The following GOSR1 variants were observed in gnomAD, a reference collection of about 807,000 sequenced individuals.
GOSR1 encodes the protein golgi SNAP receptor complex member 1.
In GOSR1, 21 loss-of-function variants were observed where a neutral mutation model predicts 35.5. The ratio of observed to expected loss-of-function variants is 0.59; its 90% CI spans 0.42 to 0.85. The LOEUF is 0.85. GOSR1 is among the 40% of genes least tolerant of loss of function. GOSR1 has a pLI of 0.00. For synonymous variants in GOSR1, 94 were observed against 106.6 expected, an observed-to-expected ratio of 0.88 and a Z score of 0.73; for missense variants, 285 against 309.6, an observed-to-expected ratio of 0.92 and a Z score of 0.60.
rs772143411 is a variant in GOSR1, at chr17:30,492,710, A to G, written c.466A>G (p.Arg156Gly). The G allele has an allele frequency of 3.1e-6, 5 of 1,603,722 alleles. No homozygotes were observed. The highest frequency in any genetic ancestry group is 1.7e-5 in the Admixed American group (1 of 59,978). ...TAAAAGTGGGTCTGGAGTAAACAAC[A>G]GAAGAACTGAGCTATTTTTGAAAGA... ...SYKSGSGVNN[R>G]RTELFLKEHD... is the part of the protein sequence containing the mutation. Residue 156 changes from arginine (R) to glycine (G), a missense_variant, in exon 6 of 9, where the codon AGA becomes GGA. By Grantham distance (125) the Arg-to-Gly change is moderately radical. Transcript: ENST00000451249.
intron 7 of GOSR1, among the ~76,000 whole-genome samples, chr17:30,513,718 AG>A (rs1200756959): frequency 2.6e-5 from 4 of 152,210 alleles, no homozygotes; most frequent in African/African-American, 9.7e-5. Flanking sequence ...TGGGAGGCTG[AG>A]GCGGGAGGAC....
intron 4 of GOSR1, among the ~76,000 whole-genome samples, chr17:30,486,090 G>A (rs1198598515): frequency 1.3e-5 from 2 of 150,438 alleles, no homozygotes; most frequent in African/African-American, 4.9e-5. Flanking sequence ...CGGGTTAAAA[G>A]CTAGCATTGT....
At chr17:30,514,775 TTC>T (rs772297201) in intron 7 of GOSR1, among the ~76,000 whole-genome samples, 6 of 152,232 alleles carry the variant, frequency 3.9e-5, no homozygotes, top group African/African-American at 7.2e-5. Flanking sequence ...CTTTCTTACC[TTC>T]TCTCTGTTTC....
intron 2 of GOSR1, among the ~76,000 whole-genome samples, chr17:30,483,616 G>A (rs948042533): frequency 6.6e-6 from 1 of 152,132 alleles, no homozygotes; most frequent in South Asian, 2.1e-4. Flanking sequence ...TCATTGCCTG[G>A]GCATTTATCT....
At chr17:30,520,917 G>C (rs1309736609) in intron 8 of GOSR1, among the ~76,000 whole-genome samples, 1 of 152,184 alleles carries the variant, frequency 6.6e-6, no homozygotes, top group Non-Finnish European at 1.5e-5. Flanking sequence ...AATTTACAGA[G>C]TGCTGTTATA....
chr17:30,493,952 T>C (rs1234973667), intron 6 of GOSR1, among the ~76,000 whole-genome samples: 1 of 152,170 alleles, frequency 6.6e-6, no homozygotes, highest in Non-Finnish European at 1.5e-5. Flanking sequence ...AATTCCTAAA[T>C]CAGAATTGCA....
chr17:30,499,156 T>C (rs1243401813), intron 6 of GOSR1, among the ~76,000 whole-genome samples: 2 of 152,222 alleles, frequency 1.3e-5, no homozygotes, highest in African/African-American at 2.4e-5. Context: ...TTATTCTTTT[T>C]CTTAAATGTC....
intron 1 of GOSR1, among the ~76,000 whole-genome samples, chr17:30,478,207 A>G (rs1356829548): frequency 5.3e-5 from 8 of 152,246 alleles, no homozygotes; most frequent in Non-Finnish European, 1.2e-4. Flanking sequence ...GTGAGCTTAC[A>G]TAAAACTCAT....
intron 6 of GOSR1, among the ~76,000 whole-genome samples, chr17:30,495,183 G>A (rs1966949360): frequency 2.7e-5 from 3 of 111,614 alleles, no homozygotes; most frequent in South Asian, 3.3e-4. Flanking sequence ...GCGAGACTCC[G>A]GCTCAAAAAA....
intron 2 of GOSR1, 132 bp from the exon 3 acceptor site, chr17:30,484,082 C>G (rs144859644): frequency 3.7e-6 from 2 of 537,848 alleles, no homozygotes; most frequent in Admixed American, 6.3e-5. Flanking sequence ...TGTAAAAGAT[C>G]GTTTCTCACA....
chr17:30,489,529 G>A (rs905077218), intron 4 of GOSR1, among the ~76,000 whole-genome samples: 2 of 152,030 alleles, frequency 1.3e-5, no homozygotes. Flanking sequence ...ATGTTTATGT[G>A]TTACTTTTGT....
intron 7 of GOSR1, 185 bp from the exon 8 acceptor site, chr17:30,519,754 T>G (rs1456585181): frequency 1.9e-6 from 1 of 538,292 alleles, no homozygotes; most frequent in Non-Finnish European, 3.3e-6. Context: ...CAGAGAACAG[T>G]GGAGTCATTT....
At chr17:30,521,201 C>CA (rs1968022348) in intron 8 of GOSR1, among the ~76,000 whole-genome samples, 2 of 90,134 alleles carry the variant, frequency 2.2e-5, no homozygotes, top group African/African-American at 8.3e-5. Context: ...TTTTTTAAGA[C>CA]AGAGTCTCAC....
chr17:30,502,101 G>A (rs2143788024), intron 6 of GOSR1, among the ~76,000 whole-genome samples: 1 of 152,340 alleles, frequency 6.6e-6, no homozygotes, highest in Non-Finnish European at 1.5e-5. Flanking sequence ...GCCAGTCTGT[G>A]AAGGCTACAT....
Position 30,519,921 on chromosome 17 carries a change from C to CT in GOSR1, c.540-11dup. On this transcript the variant is annotated splice_polypyrimidine_tract_variant and intron_variant, in intron 7 of 8. Coordinates refer to ENST00000451249, the MANE Select transcript of GOSR1 (RefSeq NM_001007025.2). ...ATAATCTTAAATGGTGATTTGTCATCTTTTTTTCCCCTTGCAGCATTGCTA... is the reference window on the plus strand; with the variant it reads ...ATAATCTTAAATGGTGATTTGTCATCTTTTTTTTCCCCTTGCAGCATTGCTA... 7.2e-6 allele frequency: 11 copies of CT among 1,518,244 alleles called. No homozygotes were observed. Among genetic ancestry groups the CT allele is most frequent in the Admixed American group, 1.7e-5 (1 of 59,206 alleles). The allele number at this position is 1,518,244 out of a possible 1,614,324, so 94.0% of individuals were successfully genotyped here. A position where few individuals can be genotyped will look rare whatever the true frequency, so the allele number is the denominator to read the frequency against.
chr17:30,502,094 AG>A, intron 6 of GOSR1, among the ~76,000 whole-genome samples: 1 of 152,360 alleles, frequency 6.6e-6, no homozygotes, highest in Non-Finnish European at 1.5e-5. Flanking sequence ...AAAAGCAGCC[AG>A]TCTGTGAAGG....
intron 6 of GOSR1, among the ~76,000 whole-genome samples, chr17:30,498,573 T>A (rs1316852716): frequency 6.6e-6 from 1 of 152,206 alleles, no homozygotes; most frequent in Non-Finnish European, 1.5e-5. Context: ...GTAGGTGTTC[T>A]CCAAGTAGAG....
rs964029889 is a variant in GOSR1 at position 30,524,536 on chromosome 17, A to T, written c.*2158A>T. 3.8e-4 allele frequency: 57 copies of T among 150,420 alleles called. No individual in the cohort carries two copies. Among genetic ancestry groups the T allele is most frequent in the Middle Eastern group, 6.9e-3 (2 of 288 alleles). 9.3% of individuals were successfully genotyped at this position (150,420 alleles called of 1,614,324 possible). On this transcript the variant is annotated 3_prime_UTR_variant, in exon 9 of 9. Coordinates refer to ENST00000451249, the MANE Select transcript of GOSR1 (RefSeq NM_001007025.2). ...ATTTAAGGCACCAGTCATTGTTTCC[A>T]TTTTTTTTTTAATTCTTCCCTTGGA...
chr17:30,509,957 A>G (rs1967553636), intron 6 of GOSR1, among the ~76,000 whole-genome samples: 1 of 152,226 alleles, frequency 6.6e-6, no homozygotes, highest in Non-Finnish European at 1.5e-5. Flanking sequence ...ACTTTGAGCT[A>G]TTTAAAGAGA....
Sources: allele counts gnomAD v4.1 joint callset (sites outside exome capture counted in the v4.1 genomes callset), GRCh38; gene constraint gnomAD v4.1.1; transcripts MANE v1.5; gene names NCBI Gene and HGNC (gene_info 2026-07-23, HGNC 2026-07-21).